MAPK8: variants seen among roughly 807,000 people sequenced by gnomAD.
MAPK8 encodes JUN N-terminal kinase.
A neutral mutation model predicts 52.9 loss-of-function variants in MAPK8; 13 were observed. That is an observed-to-expected ratio of 0.25 (90% CI 0.16 to 0.39). The LOEUF is 0.39. MAPK8 is among the 10% of genes least tolerant of loss of function. The pLI, the probability that MAPK8 is intolerant of heterozygous loss-of-function variation, is 1.00. For synonymous variants in MAPK8, 191 were observed against 169.8 expected (o/e 1.12, Z -0.97); for missense variants, 300 against 519.2 (o/e 0.58, Z 4.10).
At chr10:48,332,083 T>C (rs1388348508) in intron 1 of MAPK8, among the ~76,000 whole-genome samples, 2 of 152,226 alleles carry the variant, frequency 1.3e-5, no homozygotes, top group Non-Finnish European at 2.9e-5. Flanking sequence ...ATCAATATTT[T>C]CTACCAGGTC....
At chr10:48,336,957 G>A (rs1217418278) in intron 1 of MAPK8, among the ~76,000 whole-genome samples, 1 of 152,134 alleles carries the variant, frequency 6.6e-6, no homozygotes, top group Non-Finnish European at 1.5e-5. Context: ...CATACCCAGT[G>A]TTGTAGCACC....
chr10:48,392,961 A>G (rs763327824), intron 1 of MAPK8, among the ~76,000 whole-genome samples: 29 of 152,126 alleles, frequency 1.9e-4, no homozygotes, highest in Non-Finnish European at 1.2e-4. Flanking sequence ...GTTAAAATCA[A>G]TGCTATTAGC....
intron 1 of MAPK8, among the ~76,000 whole-genome samples, chr10:48,335,211 T>A (rs1442247974): frequency 6.6e-6 from 1 of 152,194 alleles, no homozygotes. Context: ...GTTTTCCTTT[T>A]TTTTAAATTG....
chr10:48,436,036 T>C lies in MAPK8; in HGVS notation c.*1007T>C, dbSNP rs2044826576. On this transcript the variant is annotated 3_prime_UTR_variant, in exon 12 of 12. Transcript: ENST00000374189. ...GGAGTGTCTGTCAGTTGAGCACCAG[T>C]TGTTCTGGTGTTTCATTTGATTCTA... 6.6e-6 allele frequency: 1 copy of C among 152,180 alleles called. No individual in the cohort carries two copies. The highest frequency in any genetic ancestry group is 6.5e-5 in the Admixed American group (1 of 15,278). The allele number at this position is 152,180 out of a possible 1,614,324, so 9.4% of individuals were successfully genotyped here.
intron 5 of MAPK8, among the ~76,000 whole-genome samples, chr10:48,416,157 A>C (rs888307138): frequency 6.6e-6 from 1 of 152,156 alleles, no homozygotes; most frequent in Non-Finnish European, 1.5e-5. Flanking sequence ...TGGTAAAATA[A>C]CCTGACCTTT....
intron 1 of MAPK8, among the ~76,000 whole-genome samples, chr10:48,308,563 T>C (rs1043228370): frequency 6.6e-6 from 1 of 152,238 alleles, no homozygotes; most frequent in Non-Finnish European, 1.5e-5. Context: ...AGTGTGTGTT[T>C]CTGTGTATGT....
intron 1 of MAPK8, among the ~76,000 whole-genome samples, chr10:48,352,832 C>T (rs1042382020): frequency 6.6e-6 from 1 of 152,110 alleles, no homozygotes; most frequent in Non-Finnish European, 1.5e-5. Context: ...CCTTCCTTTT[C>T]GCCTGTGACG....
At chr10:48,346,156 A>G (rs1454068738) in intron 1 of MAPK8, among the ~76,000 whole-genome samples, 5 of 152,246 alleles carry the variant, frequency 3.3e-5, no homozygotes, top group Non-Finnish European at 7.3e-5. Context: ...CCGAGGCAAG[A>G]GACAGGGGAC....
chr10:48,424,491 A>T, intron 7 of MAPK8: 1 of 1,476,248 alleles, frequency 6.8e-7, no homozygotes. Context: ...CTTTATGTTA[A>T]TGTCATTGCA....
chr10:48,343,626 A>G (rs1253179014), intron 1 of MAPK8, among the ~76,000 whole-genome samples: 1 of 152,220 alleles, frequency 6.6e-6, no homozygotes, highest in Non-Finnish European at 1.5e-5. Context: ...AAAAAGTCCA[A>G]TCAGTAGCCT....
At chr10:48,393,856 T>A (rs1168132565) in intron 1 of MAPK8, among the ~76,000 whole-genome samples, 2 of 151,940 alleles carry the variant, frequency 1.3e-5, no homozygotes, top group African/African-American at 2.4e-5. Context: ...AATATAAAAG[T>A]GTAAAACATT....
chr10:48,435,137 T>C lies in MAPK8; in HGVS notation c.*108T>C, dbSNP rs2044751328. The stretch of plus-strand genomic sequence containing the variant: ...TATTTTTGGGTGATTTTTCAAAAAA[T>C]GTAGAATTCATTTTGTAGTAAAGTA... On this transcript the variant is annotated 3_prime_UTR_variant, in exon 12 of 12. Transcript: ENST00000374189. 1 of 868,380 alleles carries C rather than the reference T, an allele frequency of 1.2e-6. No individual in the cohort carries two copies. The highest frequency in any genetic ancestry group is 2.7e-5 in the East Asian group (1 of 37,208). The allele number at this position is 868,380 out of a possible 1,614,324, so 53.8% of individuals were successfully genotyped here. A position where few individuals can be genotyped will look rare whatever the true frequency, so the allele number is the denominator to read the frequency against.
chr10:48,338,770 A>G (rs1000545353), intron 1 of MAPK8, among the ~76,000 whole-genome samples: 3 of 152,122 alleles, frequency 2.0e-5, no homozygotes, highest in African/African-American at 4.8e-5. Flanking sequence ...TGGCATTTCT[A>G]TACACCAATA....
intron 1 of MAPK8, among the ~76,000 whole-genome samples, chr10:48,364,026 T>C (rs1054870635): frequency 2.0e-5 from 3 of 152,236 alleles, no homozygotes; most frequent in African/African-American, 7.2e-5. Context: ...AGGCATGCAG[T>C]TAATAATTCA....
At chr10:48,419,225 A>G (rs1050928121) in intron 5 of MAPK8, among the ~76,000 whole-genome samples, 6 of 152,232 alleles carry the variant, frequency 3.9e-5, no homozygotes, top group African/African-American at 1.4e-4. Flanking sequence ...TACAAAAGTA[A>G]TAGTTGTCTT....
At chr10:48,356,841 C>CAAAAAA (rs869186711) in intron 1 of MAPK8, among the ~76,000 whole-genome samples, 12 of 30,278 alleles carry the variant, frequency 4.0e-4, no homozygotes, top group South Asian at 1.9e-3. Flanking sequence ...GACTCCGTCT[C>CAAAAAA]AAAAAAAAAA....
chr10:48,377,500 G>C (rs2040742749), intron 1 of MAPK8, among the ~76,000 whole-genome samples: 1 of 152,118 alleles, frequency 6.6e-6, no homozygotes, highest in Non-Finnish European at 1.5e-5. Context: ...AGATGTGACT[G>C]TGGTGTGTGA....
intron 1 of MAPK8, among the ~76,000 whole-genome samples, chr10:48,369,020 G>A (rs1351439101): frequency 6.6e-6 from 1 of 152,186 alleles, no homozygotes; most frequent in Non-Finnish European, 1.5e-5. Flanking sequence ...TTAATCAGCT[G>A]TGCTAAGAGG....
At chr10:48,409,088 G>T (rs2042613885) in intron 3 of MAPK8, among the ~76,000 whole-genome samples, 1 of 152,048 alleles carries the variant, frequency 6.6e-6, no homozygotes, top group East Asian at 1.9e-4. Context: ...GAATTGTGTG[G>T]GGTGTGTGTG....
Sources: gnomAD v4.1 joint callset for allele counts (sites outside exome capture counted in the v4.1 genomes callset) on GRCh38, gnomAD v4.1.1 for gene constraint, MANE v1.5 for transcripts, NCBI Gene and HGNC (gene_info 2026-07-23, HGNC 2026-07-21) for gene names.